Variants in ZNF622 observed in about 807,000 individuals in gnomAD.
ZNF622 encodes the protein cytoplasmic 60S subunit biogenesis factor ZNF622.
In ZNF622, 34 loss-of-function variants were observed where a neutral mutation model predicts 49.7. The ratio of observed to expected loss-of-function variants is 0.68; its 90% CI spans 0.52 to 0.91. The LOEUF (loss-of-function observed/expected upper bound fraction) is 0.91, where lower values mean the gene tolerates loss of function less well. ZNF622 is among the 40% of genes least tolerant of loss of function. The pLI is 0.00. For missense variants in ZNF622, 569 were observed against 616.4 expected (o/e 0.92, Z 0.81); for synonymous variants, 209 against 228.7 (o/e 0.91, Z 0.78).
chr5:16,456,873 T>C (rs559744253), intron 4 of ZNF622, among the ~76,000 whole-genome samples: 2 of 116,004 alleles, frequency 1.7e-5, no homozygotes, highest in Admixed American at 1.6e-4. Context: ...GATAAATGAA[T>C]ACAAAAAAAA....
rs1738159710 is a variant in ZNF622, at chr5:16,463,637, G to A, written c.731C>T (p.Pro244Leu). Residue 244 changes from proline (P) to leucine (L), a missense_variant, in exon 2 of 6, where the codon CCA becomes CTA. Pro to Leu is a moderately conservative substitution (Grantham distance 98). Transcript: ENST00000308683. This position sits in a 1 kb window ranked among gnomAD's most constrained non-coding sequence, Gnocchi z 4.2. ...DAEEEEAEEG[P>L]PLGAIPITDC... is the part of the protein sequence containing the mutation. ...CGTGATAGGGATGGCACCAAGGGGTGGGCCTTCCTCAGCCTCTTCCTCCTC... is the reference window on the plus strand; with the variant it reads ...CGTGATAGGGATGGCACCAAGGGGTAGGCCTTCCTCAGCCTCTTCCTCCTC... 6.2e-7 allele frequency: 1 copy of A among 1,614,172 alleles called. No individual in the cohort carries two copies. The highest frequency in any genetic ancestry group is 8.5e-7 in the Non-Finnish European group (1 of 1,180,036).
In ZNF622 at chr5:16,465,419, C is replaced by T. The variant is rs1488683873; in HGVS notation, c.247G>A (p.Glu83Lys). Residue 83 changes from glutamate (E) to lysine (K), a missense_variant, in exon 1 of 6, where the codon GAG (glutamate) becomes AAG (lysine). Coordinates refer to ENST00000308683, the MANE Select transcript of ZNF622 (RefSeq NM_033414.3). This position sits in a 1 kb window ranked among gnomAD's most constrained non-coding sequence, Gnocchi z 6.2. ...SKKFASFNAY[E>K]NHLKSRRHVE... ...TGACGCCGGGACTTGAGGTGGTTCTCGTAGGCGTTGAAAGAGGCAAACTTC... is the reference window on the plus strand; with the variant it reads ...TGACGCCGGGACTTGAGGTGGTTCTTGTAGGCGTTGAAAGAGGCAAACTTC... 2.5e-6 allele frequency: 4 copies of T among 1,614,264 alleles called. No homozygotes were observed. Among genetic ancestry groups the T allele is most frequent in the Middle Eastern group, 1.6e-4 (1 of 6,062 alleles).
Position 16,463,245 on chromosome 5 carries a change from A to T in ZNF622, c.912T>A (p.Ile304=). Residue 304 remains isoleucine, a synonymous_variant, in exon 3 of 6, where the codon ATT becomes ATA. Coordinates refer to ENST00000308683, the MANE Select transcript of ZNF622 (RefSeq NM_033414.3). The surrounding 1 kb of genome is among the most constrained non-coding windows in gnomAD (Gnocchi z 4.2). The part of the protein sequence containing the change: ...YLGEKVGVGK[I]CLWCNEKGKS... ...TCCCTTTCTCGTTGCACCACAAGCA[A>T]ATCTTGCCAACACCAACTTTCTCTC... 6.2e-7 allele frequency: 1 copy of T among 1,603,132 alleles called. No homozygotes were observed. Among genetic ancestry groups the T allele is most frequent in the Non-Finnish European group, 8.5e-7 (1 of 1,177,572 alleles).
rs201442736 is a variant in ZNF622, at chr5:16,463,256, C to A, written c.901G>T (p.Val301Phe). 464 of 1,596,992 alleles carry A rather than the reference C, an allele frequency of 2.9e-4. No homozygotes were observed. Among genetic ancestry groups the A allele is most frequent in the Non-Finnish European group, 3.9e-4 (455 of 1,176,016 alleles). ...LIKYLGEKVG[V>F]GKICLWCNEK... is the part of the protein sequence containing the mutation. ...TTGCACCACAAGCAAATCTTGCCAA[C>A]ACCAACTTTCTCTCCTAGAAAAATA... The change falls in exon 3 of 6, where the codon GTT becomes TTT. Residue 301 changes from valine to phenylalanine, a missense_variant. Coordinates refer to ENST00000308683, the MANE Select transcript of ZNF622 (RefSeq NM_033414.3). This position sits in a 1 kb window ranked among gnomAD's most constrained non-coding sequence, Gnocchi z 4.2.
chr5:16,464,811 ACTT>A (rs1216921497), intron 1 of ZNF622, among the ~76,000 whole-genome samples: 1 of 152,198 alleles, frequency 6.6e-6, no homozygotes, highest in African/African-American at 2.4e-5. Context: ...TGCATTAAGC[ACTT>A]CTTTTTCCAG....
At chr5:16,459,247 T>A (rs1738084420) in intron 3 of ZNF622, among the ~76,000 whole-genome samples, 1 of 152,154 alleles carries the variant, frequency 6.6e-6, no homozygotes, top group South Asian at 2.1e-4. Flanking sequence ...ATTGGAAAAG[T>A]GTACATTAAA....
intron 5 of ZNF622, among the ~76,000 whole-genome samples, chr5:16,452,061 C>T (rs764839987): frequency 5.9e-5 from 9 of 152,078 alleles, no homozygotes; most frequent in Non-Finnish European, 1.2e-4. Context: ...AAAGGTAAAG[C>T]CCCATTAATC....
At chr5:16,453,974 GTGAT>G (rs1384290572) in intron 4 of ZNF622, among the ~76,000 whole-genome samples, 18 of 152,226 alleles carry the variant, frequency 1.2e-4, no homozygotes, top group Non-Finnish European at 2.9e-5. Context: ...ATTTTAAAAG[GTGAT>G]TAAGTTGAAT....
In ZNF622 at chr5:16,465,513, C is replaced by T. The variant is rs1738205115; in HGVS notation, c.153G>A (p.Val51=). ...CCTCCGCGACGGCCCGCTGCGCCCG[C>T]ACTCGCTCCTGGAAGCCCTCGGCGG... is the stretch of plus-strand genomic sequence containing the variant. ...PVTAEGFQER[V]RAQRAVAEEE... Residue 51 remains valine, a synonymous_variant, in exon 1 of 6, where the codon GTG becomes GTA. Coordinates refer to ENST00000308683, the MANE Select transcript of ZNF622 (RefSeq NM_033414.3). This position sits in a 1 kb window ranked among gnomAD's most constrained non-coding sequence, Gnocchi z 6.2. 1 of 1,614,186 alleles carries T rather than the reference C, an allele frequency of 6.2e-7. No homozygotes were observed. Among genetic ancestry groups the T allele is most frequent in the African/African-American group, 1.3e-5 (1 of 75,078 alleles).
In ZNF622 at chr5:16,463,334, AT is replaced by A; in HGVS notation, c.887-65del. ...TTTTGCAACCAGATTAAATCTCACT[AT>A]TTGTCACCAAAACTCAAAAATCATT... On this transcript the variant is annotated intron_variant, in intron 2 of 5. Coordinates refer to ENST00000308683, the MANE Select transcript of ZNF622 (RefSeq NM_033414.3). The surrounding 1 kb of genome is among the most constrained non-coding windows in gnomAD (Gnocchi z 4.2). The A allele has an allele frequency of 6.5e-7, 1 of 1,537,108 alleles. No homozygotes were observed. The highest frequency in any genetic ancestry group is 8.8e-7 in the Non-Finnish European group (1 of 1,142,240).
In ZNF622 at chr5:16,465,345, C is replaced by T; in HGVS notation, c.321G>A (p.Glu107=). 3 of 1,614,294 alleles carry T rather than the reference C, an allele frequency of 1.9e-6. No homozygotes were observed. Among genetic ancestry groups the T allele is most frequent in the Non-Finnish European group, 2.5e-6 (3 of 1,180,058 alleles). ...TCTCCAAGTTCTTTTCATTCATCAT[C>T]TCCACTTTCCGATTCACTGCCTGCA... ...KAVQAVNRKV[E]MMNEKNLEKG... The change falls in exon 1 of 6, where the codon GAG becomes GAA. Residue 107 remains glutamate, a synonymous_variant. Coordinates refer to ENST00000308683, the MANE Select transcript of ZNF622 (RefSeq NM_033414.3). The surrounding 1 kb of genome is among the most constrained non-coding windows in gnomAD (Gnocchi z 6.2).
intron 3 of ZNF622, among the ~76,000 whole-genome samples, chr5:16,461,074 A>G (rs1738114092): frequency 6.6e-6 from 1 of 152,246 alleles, no homozygotes; most frequent in South Asian, 2.1e-4. Flanking sequence ...AAAAAAGGCC[A>G]CACTGAGAAG....
At position 16,451,626 on chromosome 5, in the gene ZNF622, CAGG is replaced by C; in HGVS notation, c.*28_*30del. ...CCTCAGGGCAAGGAGGAAACTTGGGCAGGAGATGATTGCTCAATCCCAGCAGAC... is the reference window on the plus strand; with the variant it reads ...CCTCAGGGCAAGGAGGAAACTTGGGCAGATGATTGCTCAATCCCAGCAGAC... On this transcript the variant is annotated 3_prime_UTR_variant, in exon 6 of 6. Coordinates refer to ENST00000308683, the MANE Select transcript of ZNF622 (RefSeq NM_033414.3). 2 of 1,606,668 alleles carry C rather than the reference CAGG, an allele frequency of 1.2e-6. No individual in the cohort carries two copies. Among genetic ancestry groups the C allele is most frequent in the Non-Finnish European group, 1.7e-6 (2 of 1,176,430 alleles).
chr5:16,465,610 T>C lies in ZNF622; in HGVS notation c.56A>G (p.Gln19Arg), dbSNP rs150228849. 708 of 1,601,976 alleles carry C rather than the reference T, an allele frequency of 4.4e-4. 8 individuals are homozygous for C. In the East Asian group the frequency reaches 0.015, roughly 35 times the overall value. The change falls in exon 1 of 6, where the codon CAG (glutamine) becomes CGG (arginine). Residue 19 changes from glutamine to arginine, a missense_variant. Physicochemically the swap from Gln to Arg is conservative, Grantham distance 43. Transcript: ENST00000308683. The surrounding 1 kb of genome is among the most constrained non-coding windows in gnomAD (Gnocchi z 6.2). ...CCAGTCCGTCTTATAGTGGGCCCGC[T>C]GCATGTCCGCGTCGCGGAACGCCAC... ...CRVAFRDADM[Q>R]RAHYKTDWHR...
In ZNF622 at chr5:16,465,733, C is replaced by G; in HGVS notation, c.-68G>C. ...GATCAGCGCCGTGGCCCCACAAGAC[C>G]CTCAGACCTTAACCCGCCTCAGCAG... On this transcript the variant is annotated 5_prime_UTR_variant, in exon 1 of 6. Transcript: ENST00000308683. This position sits in a 1 kb window ranked among gnomAD's most constrained non-coding sequence, Gnocchi z 6.2. 1 of 1,493,962 alleles carries G rather than the reference C, an allele frequency of 6.7e-7. No individual in the cohort carries two copies. The highest frequency in any genetic ancestry group is 1.4e-5 in the South Asian group (1 of 73,764). 92.5% of individuals were successfully genotyped at this position (1,493,962 alleles called of 1,614,324 possible).
intron 3 of ZNF622, among the ~76,000 whole-genome samples, chr5:16,460,095 T>C (rs1487228335): frequency 6.6e-6 from 1 of 152,194 alleles, no homozygotes; most frequent in Admixed American, 6.5e-5. Flanking sequence ...TGGTATAACA[T>C]TTGCATATAA....
At chr5:16,453,578 T>A (rs1416911250) in intron 4 of ZNF622, among the ~76,000 whole-genome samples, 1 of 119,624 alleles carries the variant, frequency 8.4e-6, no homozygotes, top group Non-Finnish European at 1.8e-5. Flanking sequence ...TATATATATA[T>A]ATATATATAT....
Position 16,465,126 on chromosome 5 carries a change from G to C in ZNF622, c.540C>G (p.Leu180=), listed in dbSNP as rs373467803. 1.2e-6 allele frequency: 2 copies of C among 1,614,046 alleles called. No individual in the cohort carries two copies. The highest frequency in any genetic ancestry group is 1.7e-6 in the Non-Finnish European group (2 of 1,179,984). The change falls in exon 1 of 6, where the codon CTC becomes CTG. Residue 180 remains leucine, a synonymous_variant. Transcript: ENST00000308683. The surrounding 1 kb of genome is among the most constrained non-coding windows in gnomAD (Gnocchi z 6.2). ...DRDPSEKPPR[L]QWFEQQAKKL... ...TCTTCGCCTGCTGTTCAAACCACTG[G>C]AGCCGGGGTGGTTTCTCACTCGGGT...
chr5:16,465,206 C>G lies in ZNF622; in HGVS notation c.460G>C (p.Glu154Gln). 6.2e-7 allele frequency: 1 copy of G among 1,614,210 alleles called. No homozygotes were observed. The highest frequency in any genetic ancestry group is 8.5e-7 in the Non-Finnish European group (1 of 1,180,032). The change falls in exon 1 of 6, where the codon GAG becomes CAG. Residue 154 changes from glutamate to glutamine, a missense_variant. Transcript: ENST00000308683. This position sits in a 1 kb window ranked among gnomAD's most constrained non-coding sequence, Gnocchi z 6.2. The stretch of plus-strand genomic sequence containing the variant: ...CCCACGGCCACGACATTCCTGGCCT[C>G]CTTTGCAGGCGCTGGGGGCGCCTTC... Reference protein sequence around the residue: ...PKKAPPAPAKEARNVVAVGTG... With the variant: ...PKKAPPAPAKQARNVVAVGTG...
Sources: gnomAD v4.1 joint callset for allele counts (sites outside exome capture counted in the v4.1 genomes callset) on GRCh38, gnomAD v4.1.1 for gene constraint, Gnocchi (gnomAD v3.1) non-coding constraint, MANE v1.5 for transcripts, NCBI Gene and HGNC (gene_info 2026-07-23, HGNC 2026-07-21) for gene names.